The following TMEM87A variants were observed in gnomAD, a reference collection of about 807,000 sequenced individuals.
TMEM87A encodes transmembrane protein 87A.
In TMEM87A, 50 loss-of-function variants were observed where a neutral mutation model predicts 90.0. That is an observed-to-expected ratio of 0.56 (90% CI 0.44 to 0.70). The LOEUF is 0.70. TMEM87A is among the 30% of genes least tolerant of loss of function. TMEM87A has a pLI of 0.00. For synonymous variants in TMEM87A, 226 were observed against 226.7 expected (o/e 1.00, Z 0.03); for missense variants, 577 against 660.5 (o/e 0.87, Z 1.39).
intron 12 of TMEM87A, among the ~76,000 whole-genome samples, chr15:42,230,729 C>T (rs2050672302): frequency 6.6e-6 from 1 of 152,148 alleles, no homozygotes; most frequent in Non-Finnish European, 1.5e-5. Flanking sequence ...ACCTGCTGAA[C>T]ATACAGAGTT....
At chr15:42,247,878 G>C (rs11070366) in intron 6 of TMEM87A, among the ~76,000 whole-genome samples, 144,234 of 152,056 alleles carry the variant, frequency 0.95, 68,835 homozygotes, top group Non-Finnish European at 1. Context: ...ACCTTGGGCA[G>C]TATGGCCATT....
Position 42,228,762 on chromosome 15 carries a change from T to G in TMEM87A, c.1190A>C (p.Lys397Thr), listed in dbSNP as rs1438932410. Residue 397 changes from lysine to threonine, a missense_variant, in exon 13 of 20, where the codon AAA becomes ACA. By Grantham distance (78) the Lys-to-Thr change is moderately conservative. Coordinates refer to ENST00000389834, the MANE Select transcript of TMEM87A (RefSeq NM_015497.5). Reference sequence around the variant, plus strand: ...GGTGAAATGCCGATACAAAGAGAGTTTTACAATGTTCCTCCGAAGTTTTAA... The same window carrying G: ...GGTGAAATGCCGATACAAAGAGAGTGTTACAATGTTCCTCCGAAGTTTTAA... ...KLLKLRRNIV[K>T]LSLYRHFTNT... 6.2e-7 allele frequency: 1 copy of G among 1,608,874 alleles called. No individual in the cohort carries two copies. Among genetic ancestry groups the G allele is most frequent in the Non-Finnish European group, 8.5e-7 (1 of 1,178,698 alleles).
chr15:42,257,108 T>C (rs2051198561), intron 6 of TMEM87A, among the ~76,000 whole-genome samples: 1 of 152,128 alleles, frequency 6.6e-6, no homozygotes, highest in Non-Finnish European at 1.5e-5. Flanking sequence ...ATGACAGCCA[T>C]TGTTTTTGTG....
chr15:42,226,545 G>A lies in TMEM87A; in HGVS notation c.1403+261C>T, dbSNP rs79579955. ...TGTGTATTTATCACAAAATGTCAGA[G>A]CTGAAAGGAACTTCATGTTGCTGGG... is the stretch of plus-strand genomic sequence containing the variant. On this transcript the variant is annotated intron_variant, in intron 15 of 19. Coordinates refer to ENST00000389834, the MANE Select transcript of TMEM87A (RefSeq NM_015497.5). 7.7e-4 allele frequency: 307 copies of A among 401,144 alleles called. 1 individual carries two copies. The highest frequency in any genetic ancestry group is 5.7e-3 in the African/African-American group (286 of 50,490). 24.8% of individuals were successfully genotyped at this position (401,144 alleles called of 1,614,324 possible).
chr15:42,268,483 C>A (rs1389514605), intron 2 of TMEM87A, among the ~76,000 whole-genome samples: 1 of 151,948 alleles, frequency 6.6e-6, no homozygotes, highest in Non-Finnish European at 1.5e-5. Flanking sequence ...CCCTAGGCAA[C>A]ATAGTGAGAA....
chr15:42,273,444 G>A (rs563845220), upstream of TMEM87A: 4 of 1,609,204 alleles, frequency 2.5e-6, no homozygotes, highest in East Asian at 8.9e-5. Flanking sequence ...ACCCTCTTCC[G>A]GTTCGTCCCG....
chr15:42,269,792 C>A (rs1238324908), intron 2 of TMEM87A, among the ~76,000 whole-genome samples: 1 of 147,560 alleles, frequency 6.8e-6, no homozygotes, highest in South Asian at 2.2e-4. Flanking sequence ...AAAAATTAGC[C>A]GGGCGCGGTG....
rs145708642 is a variant in TMEM87A, at chr15:42,268,673, CATAA to C, written c.206-645_206-642del. 7.5e-4 allele frequency among the ~76,000 whole-genome samples: 113 copies of C among 151,276 alleles called. 1 individual carries two copies. The Middle Eastern group carries it at 0.027, about 36-fold the overall frequency. On this transcript the variant is annotated intron_variant, in intron 2 of 19. Coordinates refer to ENST00000389834, the MANE Select transcript of TMEM87A (RefSeq NM_015497.5). Reference sequence around the variant, plus strand: ...CAGAGCGAGACCCTGTCTCAAAAAACATAAATAAATAAATAAATAAATAAATAGC... The same window carrying C: ...CAGAGCGAGACCCTGTCTCAAAAAACATAAATAAATAAATAAATAAATAGC...
chr15:42,243,460 G>A (rs1566932846), intron 7 of TMEM87A, among the ~76,000 whole-genome samples: 1 of 150,836 alleles, frequency 6.6e-6, no homozygotes, highest in Admixed American at 6.6e-5. Flanking sequence ...AGCAACCTTG[G>A]AAAGGAGAAC....
intron 6 of TMEM87A, among the ~76,000 whole-genome samples, chr15:42,249,302 G>T (rs781417877): frequency 6.6e-6 from 1 of 152,088 alleles, no homozygotes; most frequent in Non-Finnish European, 1.5e-5. Flanking sequence ...TCTCATCTTA[G>T]TTATTTCTTG....
chr15:42,236,507 T>G (rs2050773851), intron 9 of TMEM87A, 88 bp from the exon 10 acceptor site: 1 of 1,078,876 alleles, frequency 9.3e-7, no homozygotes, highest in South Asian at 1.3e-5. Flanking sequence ...TTCTACACTC[T>G]TCAGAATAAG....
intron 19 of TMEM87A, among the ~76,000 whole-genome samples, chr15:42,215,407 A>G (rs943133584): frequency 1.1e-4 from 17 of 152,316 alleles, no homozygotes; most frequent in African/African-American, 3.8e-4. Context: ...AGGCTGAGGC[A>G]GGAGAATGGC....
At chr15:42,268,646 GAC>G (rs1452720947) in intron 2 of TMEM87A, among the ~76,000 whole-genome samples, 1 of 152,020 alleles carries the variant, frequency 6.6e-6, no homozygotes, top group Non-Finnish European at 1.5e-5. Context: ...CAGCCTGGGC[GAC>G]AGAGCGAGAC....
At position 42,219,174 on chromosome 15, in the gene TMEM87A, T is replaced by A. The variant is rs576227229; in HGVS notation, c.1539+407A>T. Among the ~76,000 whole-genome samples, 4 of 152,300 alleles carry A rather than the reference T, an allele frequency of 2.6e-5. No homozygotes were observed. In the East Asian group the frequency reaches 7.7e-4, roughly 29 times the overall value. On this transcript the variant is annotated intron_variant, in intron 17 of 19. Transcript: ENST00000389834. The stretch of plus-strand genomic sequence containing the variant: ...CCTGAGGATTAGTAATGATAAAAAT[T>A]TTTTCATATACTTGTTGGCCATTTG...
chr15:42,258,583 T>C, intron 6 of TMEM87A: 1 of 453,556 alleles, frequency 2.2e-6, no homozygotes, highest in African/African-American at 2.1e-5. Flanking sequence ...CCTGCCACCA[T>C]GAGCAACTAA....
At chr15:42,257,272 T>C (rs2051201393) in intron 6 of TMEM87A, among the ~76,000 whole-genome samples, 1 of 152,058 alleles carries the variant, frequency 6.6e-6, no homozygotes, top group African/African-American at 2.4e-5. Context: ...CACTGTCCTT[T>C]CAGTAATGAG....
intron 6 of TMEM87A, among the ~76,000 whole-genome samples, chr15:42,251,371 T>C (rs1018290712): frequency 1.3e-5 from 2 of 152,218 alleles, no homozygotes; most frequent in African/African-American, 2.4e-5. Context: ...CTCCCCATCT[T>C]TGTGGTTTTA....
chr15:42,265,114 G>A (rs184799422), intron 3 of TMEM87A, among the ~76,000 whole-genome samples: 1 of 152,186 alleles, frequency 6.6e-6, no homozygotes, highest in Admixed American at 6.5e-5. Flanking sequence ...TACCATTGAT[G>A]GGCATTTAGG....
At position 42,227,484 on chromosome 15, in the gene TMEM87A, C is replaced by T. The variant is rs141245230; in HGVS notation, c.1299+227G>A. Reference sequence around the variant, plus strand: ...GTAGTTATAACTTACAAAATTCTCTCCCAAAACTGGGAGAATACAGTCAGA... The same window carrying T: ...GTAGTTATAACTTACAAAATTCTCTTCCAAAACTGGGAGAATACAGTCAGA... On this transcript the variant is annotated intron_variant, in intron 14 of 19. Transcript: ENST00000389834. The T allele has an allele frequency of 6.5e-4, 281 of 431,794 alleles. 4 individuals are homozygous for T. The highest frequency in any genetic ancestry group is 5.4e-3 in the African/African-American group (273 of 50,096). 26.7% of individuals were successfully genotyped at this position (431,794 alleles called of 1,614,324 possible).
Sources: allele counts gnomAD v4.1 joint callset (sites outside exome capture counted in the v4.1 genomes callset), GRCh38; gene constraint gnomAD v4.1.1; transcripts MANE v1.5; gene names NCBI Gene and HGNC (gene_info 2026-07-23, HGNC 2026-07-21).